The following RORA variants were observed in gnomAD, a reference collection of about 807,000 sequenced individuals.
RORA encodes the protein nuclear receptor ROR-alpha.
In RORA, 7 loss-of-function variants were observed where a neutral mutation model predicts 69.5. The ratio of observed to expected loss-of-function variants is 0.10; its 90% CI spans 0.06 to 0.19. RORA has a LOEUF of 0.19. Among genes scored for constraint, RORA ranks in the 10% least tolerant of loss-of-function variants. The pLI, the probability that RORA is intolerant of heterozygous loss-of-function variation, is 1.00. For missense variants in RORA, 457 were observed against 663.0 expected (o/e 0.69, Z 3.41); for synonymous variants, 261 against 240.8 (o/e 1.08, Z -0.78).
At chr15:60,586,592 AG>A (rs1334819775) in intron 2 of RORA, among the ~76,000 whole-genome samples, 1 of 152,198 alleles carries the variant, frequency 6.6e-6, no homozygotes, top group Non-Finnish European at 1.5e-5. Context: ...AGGGATTAAA[AG>A]TACAAAGGAG....
At chr15:61,153,262 C>T (rs981911488) in intron 1 of RORA, among the ~76,000 whole-genome samples, 1 of 152,124 alleles carries the variant, frequency 6.6e-6, no homozygotes, top group African/African-American at 2.4e-5. Context: ...GCAAGATGAA[C>T]CCATTTTTAG....
At chr15:60,824,994 C>T (rs547590006) in intron 1 of RORA, among the ~76,000 whole-genome samples, 4 of 152,302 alleles carry the variant, frequency 2.6e-5, no homozygotes, top group African/African-American at 9.6e-5. Flanking sequence ...GACTGTATGG[C>T]TAGGAACTTC....
chr15:61,139,934 A>G (rs2079282645), intron 1 of RORA, among the ~76,000 whole-genome samples: 1 of 152,170 alleles, frequency 6.6e-6, no homozygotes, highest in East Asian at 1.9e-4. Flanking sequence ...AGGAATTGTT[A>G]CCTGATTGGA....
intron 1 of RORA, among the ~76,000 whole-genome samples, chr15:60,713,513 A>G (rs1000500797): frequency 1.2e-4 from 19 of 152,178 alleles, no homozygotes; most frequent in African/African-American, 4.6e-4. Context: ...GAGGAGGAAA[A>G]GATCCAAAAT....
intron 1 of RORA, among the ~76,000 whole-genome samples, chr15:61,171,682 T>C (rs1015506744): frequency 7.2e-5 from 11 of 152,156 alleles, no homozygotes; most frequent in Non-Finnish European, 1.2e-4. Context: ...CTCACTTTCC[T>C]CCACTGCTCC....
At chr15:61,227,385 C>A (rs1223803101) in intron 1 of RORA, among the ~76,000 whole-genome samples, 2 of 152,112 alleles carry the variant, frequency 1.3e-5, no homozygotes, top group Non-Finnish European at 2.9e-5. Flanking sequence ...CAGGTCCAGG[C>A]CCCCAGCCCT....
intron 2 of RORA, among the ~76,000 whole-genome samples, chr15:60,554,044 C>T (rs576489808): frequency 3.1e-4 from 47 of 152,142 alleles, no homozygotes; most frequent in African/African-American, 1.1e-3. Flanking sequence ...TTGTGGGGCC[C>T]CAGACACTGA....
Position 60,552,637 on chromosome 15 carries a change from T to G in RORA, c.197-20786A>C, listed in dbSNP as rs145372127. ...CCCTGGAGTGGAATGAAAGGGTTAT[T>G]AAAATACCCAATGACAGCCTCAGGT... is the stretch of plus-strand genomic sequence containing the variant. On this transcript the variant is annotated intron_variant, in intron 2 of 10. Transcript: ENST00000335670. Among the ~76,000 whole-genome samples the G allele has an allele frequency of 2.0e-5, 3 of 152,290 alleles. No homozygotes were observed. In the East Asian group the frequency reaches 5.8e-4, roughly 29 times the overall value.
intron 1 of RORA, among the ~76,000 whole-genome samples, chr15:61,174,083 G>A (rs1387904674): frequency 6.6e-6 from 1 of 152,134 alleles, no homozygotes; most frequent in African/African-American, 2.4e-5. Context: ...ACCTCCTGGG[G>A]CAACTCACCA....
chr15:61,085,496 G>A (rs548464339), intron 1 of RORA, among the ~76,000 whole-genome samples: 27 of 152,322 alleles, frequency 1.8e-4, no homozygotes, highest in African/African-American at 6.0e-4. Context: ...TAACAGACTC[G>A]TGGGCCCGCC....
intron 2 of RORA, chr15:60,592,322 G>T: frequency 8.3e-7 from 1 of 1,207,704 alleles, no homozygotes; most frequent in Non-Finnish European, 1.1e-6. Context: ...CTCCCCCTGC[G>T]CGCCCTCCTC....
At chr15:60,953,771 T>A (rs868086499) in intron 1 of RORA, among the ~76,000 whole-genome samples, 13,136 of 151,770 alleles carry the variant, frequency 0.087, 706 homozygotes, top group Middle Eastern at 0.18. Context: ...AGAATGGCGA[T>A]CATTAAAAAG....
intron 1 of RORA, among the ~76,000 whole-genome samples, chr15:60,996,881 G>T (rs1296413675): frequency 6.6e-6 from 1 of 151,896 alleles, no homozygotes; most frequent in Non-Finnish European, 1.5e-5. Flanking sequence ...CTGCACTCCA[G>T]CCTGGGAGAC....
chr15:60,928,507 C>G (rs1338607052), intron 1 of RORA, among the ~76,000 whole-genome samples: 3 of 152,166 alleles, frequency 2.0e-5, no homozygotes, highest in Non-Finnish European at 4.4e-5. Context: ...TCAGTAAACA[C>G]TACTTGCCAA....
chr15:61,208,026 G>A (rs1034416381), intron 1 of RORA, among the ~76,000 whole-genome samples: 3 of 152,122 alleles, frequency 2.0e-5, no homozygotes, highest in Non-Finnish European at 2.9e-5. Context: ...ACAAAGCTCC[G>A]GCCTCTTCTG....
At position 61,229,212 on chromosome 15, in the gene RORA, A is replaced by T; in HGVS notation, c.7T>A (p.Ser3Thr). 1 of 1,435,450 alleles carries T rather than the reference A, an allele frequency of 7.0e-7. No individual in the cohort carries two copies. Among genetic ancestry groups the T allele is most frequent in the Non-Finnish European group, 9.2e-7 (1 of 1,085,704 alleles). The allele number at this position is 1,435,450 out of a possible 1,614,324, so 88.9% of individuals were successfully genotyped here. Residue 3 changes from serine to threonine, a missense_variant, in exon 1 of 11, where the codon TCA becomes ACA. By Grantham distance (58) the Ser-to-Thr change is moderately conservative. Coordinates refer to ENST00000335670, the MANE Select transcript of RORA (RefSeq NM_134261.3). ME[S>T]APAAPDPAAS... ...GCGGGGTCGGGGGCTGCCGGAGCTG[A>T]CTCCATGTTTTTTCCCAATGTAGAG...
intron 1 of RORA, among the ~76,000 whole-genome samples, chr15:60,694,754 C>A (rs1221132685): frequency 6.6e-6 from 1 of 152,158 alleles, no homozygotes; most frequent in Non-Finnish European, 1.5e-5. Flanking sequence ...GTAAAACCAG[C>A]ACTCTCAAGG....
At position 60,562,439 on chromosome 15, in the gene RORA, G is replaced by T. The variant is rs373142561; in HGVS notation, c.197-30588C>A. ...TTTTTTTGAGGCGGGGTTGGGGGGG[G>T]GTTGCTTTTGTTTTGAGACAGAGTC... On this transcript the variant is annotated intron_variant, in intron 2 of 10. Transcript: ENST00000335670. Among the ~76,000 whole-genome samples the T allele has an allele frequency of 9.4e-4, 137 of 145,992 alleles. 1 individual carries two copies. Among genetic ancestry groups the T allele is most frequent in the African/African-American group, 3.0e-3 (116 of 39,000 alleles).
Position 61,095,988 on chromosome 15 carries a change from G to A in RORA, c.166+133065C>T, listed in dbSNP as rs74604203. Among the ~76,000 whole-genome samples the A allele has an allele frequency of 1.2e-4, 18 of 152,346 alleles. No homozygotes were observed. In the East Asian group the frequency reaches 3.5e-3, roughly 29 times the overall value. ...CTGCTTATTTGATCATTGATAGGGG[G>A]TTTGGAATTATGAATCACAAGCCAA... is the stretch of plus-strand genomic sequence containing the variant. On this transcript the variant is annotated intron_variant, in intron 1 of 10. Transcript: ENST00000335670.
Sources: allele counts gnomAD v4.1 joint callset (sites outside exome capture counted in the v4.1 genomes callset), GRCh38; gene constraint gnomAD v4.1.1; transcripts MANE v1.5; gene names NCBI Gene and HGNC (gene_info 2026-07-23, HGNC 2026-07-21).